The following SOD2 variants were observed in gnomAD, a reference collection of about 807,000 sequenced individuals.
SOD2 encodes superoxide dismutase 2.
A neutral mutation model predicts 27.0 loss-of-function variants in SOD2; 11 were observed. The ratio of observed to expected loss-of-function variants is 0.41; its 90% CI spans 0.26 to 0.67. The LOEUF is 0.67. SOD2 is among the 30% of genes least tolerant of loss of function. The pLI, the probability that SOD2 is intolerant of heterozygous loss-of-function variation, is 0.34. For synonymous variants in SOD2, 105 were observed against 103.0 expected (o/e 1.02, Z -0.12); for missense variants, 250 against 274.5 (o/e 0.91, Z 0.63).
chr6:159,696,625 A>G (rs1481537352), upstream of SOD2, among the ~76,000 whole-genome samples: 1 of 152,094 alleles, frequency 6.6e-6, no homozygotes, highest in Admixed American at 6.6e-5. Flanking sequence ...TGGCCCCACT[A>G]TCTCCATTGT....
At chr6:159,720,878 A>T (rs1778024349) in intron 1 of SOD2, among the ~76,000 whole-genome samples, 1 of 26,002 alleles carries the variant, frequency 3.8e-5, no homozygotes, top group Non-Finnish European at 9.3e-5. Flanking sequence ...TTTTTTTGAG[A>T]CAGTGTCTTG....
At chr6:159,745,661 A>C (rs1297345043), upstream of SOD2, among the ~76,000 whole-genome samples, 2 of 152,170 alleles carry the variant, frequency 1.3e-5, no homozygotes, top group Non-Finnish European at 2.9e-5. Flanking sequence ...AAGAGAGGGG[A>C]CTACTGAAGA....
intron 1 of SOD2, among the ~76,000 whole-genome samples, chr6:159,712,520 C>G (rs965034360): frequency 7.2e-6 from 1 of 139,294 alleles, no homozygotes; most frequent in Non-Finnish European, 1.6e-5. Flanking sequence ...CCATAACCAC[C>G]ACTCACACTG....
At chr6:159,760,888 AAG>A (rs1196783841) in intron 1 of SOD2, 1 of 152,228 alleles carries the variant, frequency 6.6e-6, no homozygotes, top group Admixed American at 6.5e-5. Flanking sequence ...AAGACAACTG[AAG>A]AGACTTCAGT....
Position 159,677,873 on chromosome 6 carries a change from C to T in SOD2, c.*4620G>A, listed in dbSNP as rs1029823157. On this transcript the variant is annotated 3_prime_UTR_variant, in exon 5 of 5. Transcript: ENST00000538183. ...TCAATCCTTGCTTGGTCTCTTGGCTCCTAAACCCCTTGAAGTATCTTTGGT... is the reference window on the plus strand; with the variant it reads ...TCAATCCTTGCTTGGTCTCTTGGCTTCTAAACCCCTTGAAGTATCTTTGGT... 3.9e-5 allele frequency: 6 copies of T among 152,296 alleles called. No individual in the cohort carries two copies. Among genetic ancestry groups the T allele is most frequent in the South Asian group, 4.1e-4 (2 of 4,832 alleles). 9.4% of individuals were successfully genotyped at this position (152,296 alleles called of 1,614,324 possible). A position where few individuals can be genotyped will look rare whatever the true frequency, so the allele number is the denominator to read the frequency against.
At position 159,682,609 on chromosome 6, in the gene SOD2, A is replaced by T. The variant is rs918113011; in HGVS notation, c.553T>A (p.Trp185Arg). The change falls in exon 5 of 5, where the codon TGG becomes AGG. Residue 185 changes from tryptophan (W) to arginine (R), a missense_variant. Transcript: ENST00000538183. Reference sequence around the variant, plus strand: ...TACTGAAGGTAGTAAGCGTGCTCCCACACATCAATCCCCAGCAGTGGAATA... The same window carrying T: ...TACTGAAGGTAGTAAGCGTGCTCCCTCACATCAATCCCCAGCAGTGGAATA... ...GLIPLLGIDV[W>R]EHAYYLQYKN... 6.2e-7 allele frequency: 1 copy of T among 1,613,600 alleles called. No homozygotes were observed. Among genetic ancestry groups the T allele is most frequent in the African/African-American group, 1.3e-5 (1 of 74,902 alleles).
intron 1 of SOD2, chr6:159,753,412 CAGAG>C (rs376687721): frequency 1.2e-6 from 2 of 1,613,230 alleles, no homozygotes; most frequent in South Asian, 1.1e-5. Context: ...TAAGCAAAGA[CAGAG>C]AGTTTTGTCT....
upstream of SOD2, among the ~76,000 whole-genome samples, chr6:159,750,119 C>G (rs888627410): frequency 1.3e-5 from 2 of 152,140 alleles, no homozygotes; most frequent in African/African-American, 2.4e-5. Context: ...AAAATTCTCA[C>G]TATTTGTGAG....
chr6:159,670,899 C>A lies in SOD2; in HGVS notation c.*11594G>T, dbSNP rs1008789265. 1 of 152,264 alleles carries A rather than the reference C, an allele frequency of 6.6e-6. No individual in the cohort carries two copies. The highest frequency in any genetic ancestry group is 1.9e-4 in the East Asian group (1 of 5,196). 9.4% of individuals were successfully genotyped at this position (152,264 alleles called of 1,614,324 possible). ...TTGGGTCACTCCCACCCTAATACTG[C>A]GTTTTTCCAATGGTCTTAGCAAACG... is the stretch of plus-strand genomic sequence containing the variant. On this transcript the variant is annotated 3_prime_UTR_variant, in exon 5 of 5. Coordinates refer to ENST00000538183, the MANE Select transcript of SOD2 (RefSeq NM_000636.4).
chr6:159,725,027 A>G (rs985735518), intron 1 of SOD2, among the ~76,000 whole-genome samples: 2 of 152,120 alleles, frequency 1.3e-5, no homozygotes, highest in Non-Finnish European at 2.9e-5. Flanking sequence ...GATGCAAAAC[A>G]CACCTACACA....
chr6:159,744,162 C>T (rs1230767428), intron 1 of SOD2, among the ~76,000 whole-genome samples: 4 of 152,266 alleles, frequency 2.6e-5, no homozygotes, highest in Non-Finnish European at 4.4e-5. Context: ...TATCTCTGTT[C>T]TCTTGTCCCC....
chr6:159,761,819 G>C, exon 1 of SOD2: 1 of 219,024 alleles, frequency 4.6e-6, no homozygotes, highest in Non-Finnish European at 9.0e-6. Context: ...CGCAAGCCCA[G>C]ACCCCGGCCT....
At position 159,675,658 on chromosome 6, in the gene SOD2, T is replaced by C. The variant is rs1332602659; in HGVS notation, c.*6835A>G. 1.3e-5 allele frequency: 2 copies of C among 152,096 alleles called. No individual in the cohort carries two copies. The highest frequency in any genetic ancestry group is 4.8e-5 in the African/African-American group (2 of 41,420). 9.4% of individuals were successfully genotyped at this position (152,096 alleles called of 1,614,324 possible). ...ACCATAAAAACCCTAGAAGAAAACC[T>C]ATGCAGTACCATTCAGGACACAGGC... On this transcript the variant is annotated 3_prime_UTR_variant, in exon 5 of 5. Transcript: ENST00000538183.
In SOD2 at chr6:159,679,930, A is replaced by C. The variant is rs1779876381; in HGVS notation, c.*2563T>G. The C allele has an allele frequency of 6.6e-6, 1 of 152,144 alleles. No individual in the cohort carries two copies. The highest frequency in any genetic ancestry group is 1.5e-5 in the Non-Finnish European group (1 of 68,026). 9.4% of individuals were successfully genotyped at this position (152,144 alleles called of 1,614,324 possible). On this transcript the variant is annotated 3_prime_UTR_variant, in exon 5 of 5. Coordinates refer to ENST00000538183, the MANE Select transcript of SOD2 (RefSeq NM_000636.4). Reference sequence around the variant, plus strand: ...ATGTGAGTCACCCCGCCCAGCCCTAAACAATCTTAAAGTCTCCTTTTCCAC... The same window carrying C: ...ATGTGAGTCACCCCGCCCAGCCCTACACAATCTTAAAGTCTCCTTTTCCAC...
At chr6:159,685,081 T>A in intron 3 of SOD2, 48 bp from the exon 4 acceptor site, 2 of 1,412,928 alleles carry the variant, frequency 1.4e-6, no homozygotes, top group South Asian at 1.4e-5. Flanking sequence ...CAGATTTCAA[T>A]AATTACAGTA....
intron 1 of SOD2, among the ~76,000 whole-genome samples, chr6:159,717,094 T>G (rs368048286): frequency 1.3e-5 from 2 of 152,290 alleles, no homozygotes; most frequent in Admixed American, 6.5e-5. Context: ...GGAAATTACA[T>G]GCAAAAGGTG....
intron 1 of SOD2, among the ~76,000 whole-genome samples, chr6:159,756,580 A>AAAAAAAAAAAATTTGTTTT (rs1780015011): frequency 7.5e-6 from 1 of 133,642 alleles, no homozygotes; most frequent in Admixed American, 7.8e-5. Context: ...GAAAATAGTC[A>AAAAAAAAAAAATTTGTTTT]TCTATTTCTT....
chr6:159,726,503 CA>C, intron 1 of SOD2: 1 of 304,504 alleles, frequency 3.3e-6, no homozygotes, highest in South Asian at 2.6e-5. Context: ...ACAGACCAAT[CA>C]AAAGAATTAC....
At chr6:159,744,496 T>C (rs1275482936) in intron 1 of SOD2, among the ~76,000 whole-genome samples, 1 of 149,650 alleles carries the variant, frequency 6.7e-6, no homozygotes, top group Non-Finnish European at 1.5e-5. Flanking sequence ...ATTCTGGTCA[T>C]TGGAGACACC....
Sources: allele counts gnomAD v4.1 joint callset (sites outside exome capture counted in the v4.1 genomes callset), GRCh38; gene constraint gnomAD v4.1.1; transcripts MANE v1.5; gene names NCBI Gene and HGNC (gene_info 2026-07-23, HGNC 2026-07-21).